GPC5: variants seen among roughly 807,000 people sequenced by gnomAD.
The protein encoded by GPC5 is glypican-5.
GPC5 carries 47 observed loss-of-function variants against 53.9 expected under a neutral mutation model. That is an observed-to-expected ratio of 0.87 (90% confidence interval 0.69 to 1.11). The LOEUF (loss-of-function observed/expected upper bound fraction) is 1.11, where lower values mean the gene tolerates loss of function less well. GPC5 is among the 50% of genes most tolerant of loss of function. GPC5 has a pLI of 0.00. For missense variants in GPC5, 748 were observed against 713.1 expected (o/e 1.05, Z -0.56); for synonymous variants, 286 against 263.3 (o/e 1.09, Z -0.84).
chr13:91,408,109 CA>C (rs200361328), intron 1 of GPC5, among the ~76,000 whole-genome samples: 1,806 of 152,204 alleles, frequency 0.012, 40 homozygotes, highest in African/African-American at 0.042. Context: ...TACAATATAT[CA>C]TATTAACTGT....
At chr13:91,560,723 C>A (rs2031211241) in intron 2 of GPC5, among the ~76,000 whole-genome samples, 1 of 151,926 alleles carries the variant, frequency 6.6e-6, no homozygotes, top group Admixed American at 6.6e-5. Context: ...TTTCTCCCAG[C>A]AGCCAACCCT....
At chr13:92,681,769 T>G (rs1001556370) in intron 7 of GPC5, among the ~76,000 whole-genome samples, 3 of 152,214 alleles carry the variant, frequency 2.0e-5, no homozygotes, top group Admixed American at 2.0e-4. Context: ...TCCTAGACCC[T>G]TAACTTTGCT....
chr13:92,168,655 T>C (rs935420530), intron 7 of GPC5, among the ~76,000 whole-genome samples: 8 of 152,020 alleles, frequency 5.3e-5, no homozygotes, highest in African/African-American at 1.9e-4. Flanking sequence ...CCAGTCAGAA[T>C]GGTGATTATT....
intron 6 of GPC5, among the ~76,000 whole-genome samples, chr13:91,989,640 G>T (rs1052361249): frequency 2.6e-5 from 4 of 152,040 alleles, no homozygotes; most frequent in African/African-American, 7.2e-5. Flanking sequence ...AATATAAAAG[G>T]CATGTCATTT....
Position 92,339,305 on chromosome 13 carries a change from G to A in GPC5, c.1561+194316G>A, listed in dbSNP as rs192064558. On this transcript the variant is annotated intron_variant, in intron 7 of 7. Coordinates refer to ENST00000377067, the MANE Select transcript of GPC5 (RefSeq NM_004466.6). Reference sequence around the variant, plus strand: ...TCAGGGCAAAATGTTTTATTATGTCGTGATGTGTTAATTTTGGGGAATTGT... The same window carrying A: ...TCAGGGCAAAATGTTTTATTATGTCATGATGTGTTAATTTTGGGGAATTGT... Among the ~76,000 whole-genome samples the A allele has an allele frequency of 5.6e-4, 85 of 151,888 alleles. No homozygotes were observed. In the East Asian group the frequency reaches 9.3e-3, roughly 17 times the overall value.
intron 7 of GPC5, among the ~76,000 whole-genome samples, chr13:92,786,300 T>G (rs1235937059): frequency 6.6e-6 from 1 of 152,178 alleles, no homozygotes; most frequent in Non-Finnish European, 1.5e-5. Flanking sequence ...AAGTTCTTAC[T>G]CAGAGGAGGT....
intron 6 of GPC5, among the ~76,000 whole-genome samples, chr13:92,106,229 T>C (rs1358778246): frequency 2.0e-5 from 3 of 152,036 alleles, no homozygotes; most frequent in African/African-American, 7.2e-5. Flanking sequence ...TTTAAATATG[T>C]GAGGATCTCC....
At chr13:92,752,394 G>C (rs963864899) in intron 7 of GPC5, among the ~76,000 whole-genome samples, 7 of 152,156 alleles carry the variant, frequency 4.6e-5, no homozygotes, top group African/African-American at 7.2e-5. Flanking sequence ...ATTGCTTGTA[G>C]AGACAATGGA....
intron 2 of GPC5, among the ~76,000 whole-genome samples, chr13:91,449,322 A>T (rs1031393882): frequency 1.3e-5 from 2 of 152,046 alleles, no homozygotes; most frequent in African/African-American, 2.4e-5. Flanking sequence ...TCTACTAAAA[A>T]TTTTTTTTGG....
At chr13:91,642,656 G>C (rs913533021) in intron 2 of GPC5, among the ~76,000 whole-genome samples, 1 of 151,784 alleles carries the variant, frequency 6.6e-6, no homozygotes, top group African/African-American at 2.4e-5. Context: ...GATGGCAGTG[G>C]GAGTAAGAAG....
At position 92,201,020 on chromosome 13, in the gene GPC5, C is replaced by T. The variant is rs182254951; in HGVS notation, c.1561+56031C>T. ...ACACACACACACACACGCACACACACGGGAGGTTACGCCTTCTCTCTCTTC... is the reference window on the plus strand; with the variant it reads ...ACACACACACACACACGCACACACATGGGAGGTTACGCCTTCTCTCTCTTC... On this transcript the variant is annotated intron_variant, in intron 7 of 7. Coordinates refer to ENST00000377067, the MANE Select transcript of GPC5 (RefSeq NM_004466.6). Among the ~76,000 whole-genome samples the T allele has an allele frequency of 2.6e-3, 390 of 151,818 alleles. 4 individuals are homozygous for T. In the Middle Eastern group the frequency reaches 0.037, roughly 15 times the overall value.
At chr13:91,837,024 A>G (rs533932125) in intron 5 of GPC5, among the ~76,000 whole-genome samples, 37 of 150,078 alleles carry the variant, frequency 2.5e-4, no homozygotes, top group African/African-American at 9.0e-4. Flanking sequence ...AATTAAAACT[A>G]AGAGATGAAA....
chr13:92,737,766 C>CTTTTTTTTTTTTTTTTTTT (rs33914729), intron 7 of GPC5, among the ~76,000 whole-genome samples: 91 of 102,082 alleles, frequency 8.9e-4, no homozygotes, highest in Non-Finnish European at 1.2e-3. Context: ...TTTTCTTTTT[C>CTTTTTTTTTTTTTTTTTTT]TTTTTTTTTT....
intron 7 of GPC5, among the ~76,000 whole-genome samples, chr13:92,289,804 C>T (rs2042981119): frequency 6.6e-6 from 1 of 151,852 alleles, no homozygotes; most frequent in Non-Finnish European, 1.5e-5. Flanking sequence ...GTGAAATTCA[C>T]TCTTCTCTAT....
At chr13:92,482,233 C>T (rs1186867328) in intron 7 of GPC5, among the ~76,000 whole-genome samples, 1 of 152,154 alleles carries the variant, frequency 6.6e-6, no homozygotes, top group African/African-American at 2.4e-5. Flanking sequence ...TTCAAAAATA[C>T]ATTTCAAACG....
rs555544190 is a variant in GPC5, at chr13:91,431,737, G to A, written c.164-17024G>A. On this transcript the variant is annotated intron_variant, in intron 1 of 7. Transcript: ENST00000377067. ...CTGGCAAGTGCTTCTCCCATGGACG[G>A]GGATGTTGAGAGAGCTGTTCTCAGA... Among the ~76,000 whole-genome samples the A allele has an allele frequency of 3.0e-3, 457 of 152,316 alleles. 1 individual carries two copies. The highest frequency in any genetic ancestry group is 4.6e-3 in the Non-Finnish European group (316 of 68,012).
At chr13:92,770,889 T>A (rs766299884) in intron 7 of GPC5, among the ~76,000 whole-genome samples, 1 of 152,162 alleles carries the variant, frequency 6.6e-6, no homozygotes, top group Non-Finnish European at 1.5e-5. Flanking sequence ...AAGTCTGGAT[T>A]CCCCACTTGA....
intron 5 of GPC5, among the ~76,000 whole-genome samples, chr13:91,767,684 TG>T (rs1433244283): frequency 6.6e-6 from 1 of 152,212 alleles, no homozygotes; most frequent in Non-Finnish European, 1.5e-5. Flanking sequence ...CTCAGTTTCT[TG>T]CCATGCTGAC....
chr13:91,929,890 C>T (rs574926050), intron 6 of GPC5, among the ~76,000 whole-genome samples: 58 of 152,008 alleles, frequency 3.8e-4, no homozygotes, highest in African/African-American at 1.2e-3. Flanking sequence ...AAATTTTTCA[C>T]GGTTTTCCAA....
Sources: allele counts gnomAD v4.1 joint callset (sites outside exome capture counted in the v4.1 genomes callset), GRCh38; gene constraint gnomAD v4.1.1; transcripts MANE v1.5; gene names NCBI Gene and HGNC (gene_info 2026-07-23, HGNC 2026-07-21).